ASIC2: variants seen among roughly 807,000 people sequenced by gnomAD.
ASIC2 encodes the protein acid sensing ion channel subunit 2.
A neutral mutation model predicts 57.3 loss-of-function variants in ASIC2; 25 were observed. The ratio of observed to expected loss-of-function variants is 0.44; its 90% confidence interval spans 0.32 to 0.61. The LOEUF (loss-of-function observed/expected upper bound fraction) is 0.61. ASIC2 is among the 20% of genes least tolerant of loss of function. The probability of loss-of-function intolerance (pLI) is 0.06; values close to 1 mark genes in which losing one functional copy is unlikely to be tolerated. For synonymous variants in ASIC2, 319 were observed against 307.5 expected (o/e 1.04, Z -0.39); for missense variants, 641 against 738.1 (o/e 0.87, Z 1.52).
At chr17:33,073,668 A>C (rs1037177087) in intron 3 of ASIC2, among the ~76,000 whole-genome samples, 3 of 152,240 alleles carry the variant, frequency 2.0e-5, no homozygotes, top group Non-Finnish European at 2.9e-5. Flanking sequence ...TGGAATGCTA[A>C]GACTCATTTA....
chr17:33,739,875 A>G (rs1182814488), intron 1 of ASIC2, among the ~76,000 whole-genome samples: 1 of 151,512 alleles, frequency 6.6e-6, no homozygotes, highest in African/African-American at 2.4e-5. Context: ...GAAGGAAGGA[A>G]AAAAGAAAAG....
In ASIC2 at chr17:34,021,281, C is replaced by A. The variant is rs909840878; in HGVS notation, c.555+134697G>T. Among the ~76,000 whole-genome samples the A allele has an allele frequency of 8.5e-5, 13 of 152,190 alleles. No individual in the cohort carries two copies. The East Asian group carries it at 2.3e-3, about 27-fold the overall frequency. On this transcript the variant is annotated intron_variant, in intron 1 of 9. Coordinates refer to the ASIC2 transcript ENST00000359872. ...AAAAAAAAAAATAGACTACTGCCATCACTCCCTACCACCATCACTCAGGGC... is the reference window on the plus strand; with the variant it reads ...AAAAAAAAAAATAGACTACTGCCATAACTCCCTACCACCATCACTCAGGGC...
At chr17:33,363,835 C>T (rs1189686309) in intron 1 of ASIC2, among the ~76,000 whole-genome samples, 2 of 152,198 alleles carry the variant, frequency 1.3e-5, no homozygotes, top group Non-Finnish European at 2.9e-5. Context: ...CTTCCGGGCA[C>T]ATTGGGGGAA....
intron 1 of ASIC2, chr17:33,932,741 A>AAAAAATATATATATAT (rs1555572867): frequency 3.6e-4 from 21 of 58,694 alleles, no homozygotes; most frequent in Non-Finnish European, 5.9e-4. Flanking sequence ...AAAAAAAAAA[A>AAAAAATATATATATAT]ATATATATAT....
intron 1 of ASIC2, among the ~76,000 whole-genome samples, chr17:33,809,089 T>A (rs1362580129): frequency 1.3e-5 from 2 of 152,188 alleles, no homozygotes; most frequent in Non-Finnish European, 2.9e-5. Context: ...GCCAAGGTCT[T>A]GAACTTCTCT....
chr17:33,834,797 A>G (rs1913223288), intron 1 of ASIC2, among the ~76,000 whole-genome samples: 1 of 152,184 alleles, frequency 6.6e-6, no homozygotes, highest in Admixed American at 6.5e-5. Context: ...GTGGAACTAA[A>G]CTATGATCTT....
At chr17:33,257,125 C>T (rs1392459313) in intron 1 of ASIC2, among the ~76,000 whole-genome samples, 3 of 152,176 alleles carry the variant, frequency 2.0e-5, no homozygotes, top group Non-Finnish European at 2.9e-5. Flanking sequence ...AGTGATTTTA[C>T]ATAACAAATT....
chr17:34,156,534 G>A lies in ASIC2; in HGVS notation c.-2C>T, dbSNP rs1260651310. On this transcript the variant is annotated 5_prime_UTR_variant, in exon 1 of 10. Transcript: ENST00000359872. This position sits in a 1 kb window ranked among gnomAD's most constrained non-coding sequence, Gnocchi z 4.4. ...ACTGGGGCTTTCCTTGAGGTCCATC[G>A]GGACCCCGTGCAGTTCCGCAACTGG... The A allele has an allele frequency of 1.3e-6, 2 of 1,584,172 alleles. No homozygotes were observed. Among genetic ancestry groups the A allele is most frequent in the East Asian group, 2.3e-5 (1 of 44,414 alleles).
chr17:33,967,150 A>G (rs900861249), intron 1 of ASIC2, among the ~76,000 whole-genome samples: 8 of 151,842 alleles, frequency 5.3e-5, no homozygotes, highest in African/African-American at 1.9e-4. Flanking sequence ...CTTTTCCCAC[A>G]ATACTCATAT....
intron 1 of ASIC2, among the ~76,000 whole-genome samples, chr17:34,062,096 T>G (rs1908991447): frequency 6.6e-6 from 1 of 152,182 alleles, no homozygotes; most frequent in Admixed American, 6.5e-5. Context: ...GCATGGAACT[T>G]TCTCCAAGAT....
Position 33,715,242 on chromosome 17 carries a change from T to A in ASIC2, c.555+440736A>T, listed in dbSNP as rs142097724. 4.2e-4 allele frequency among the ~76,000 whole-genome samples: 64 copies of A among 152,258 alleles called. No individual in the cohort carries two copies. The East Asian group carries it at 0.012, about 28-fold the overall frequency. ...GTCTCCAACTTCTGGCCTCAAGCGA[T>A]CCTCGCACCTCAGCCTCACAAAATG... is the stretch of plus-strand genomic sequence containing the variant. On this transcript the variant is annotated intron_variant, in intron 1 of 9. Coordinates refer to the ASIC2 transcript ENST00000359872.
chr17:33,886,758 A>G (rs1914838410), intron 1 of ASIC2, among the ~76,000 whole-genome samples: 1 of 152,092 alleles, frequency 6.6e-6, no homozygotes, highest in Non-Finnish European at 1.5e-5. Context: ...AATGGAGTAA[A>G]TCCTTAGTAC....
At chr17:34,086,249 C>A (rs955981107) in intron 1 of ASIC2, among the ~76,000 whole-genome samples, 44 of 151,230 alleles carry the variant, frequency 2.9e-4, no homozygotes, top group African/African-American at 1.0e-3. Flanking sequence ...TCTTTGTTCT[C>A]GTTGGTTTCA....
intron 1 of ASIC2, among the ~76,000 whole-genome samples, chr17:33,747,146 T>C (rs12950866): frequency 0.021 from 3,174 of 152,086 alleles, 35 homozygotes; most frequent in Middle Eastern, 0.038. Flanking sequence ...GTCTTACAGG[T>C]ATAAAGTTCT....
At chr17:34,035,649 T>C (rs1444221630) in intron 1 of ASIC2, among the ~76,000 whole-genome samples, 2 of 152,128 alleles carry the variant, frequency 1.3e-5, no homozygotes, top group Non-Finnish European at 2.9e-5. Context: ...AAAGGGCTAA[T>C]ATCTAGAATC....
intron 1 of ASIC2, among the ~76,000 whole-genome samples, chr17:33,824,013 G>A (rs1295030787): frequency 2.6e-5 from 4 of 152,122 alleles, no homozygotes; most frequent in African/African-American, 9.7e-5. Context: ...AATTCAGGCA[G>A]TTTGTCAAAA....
intron 1 of ASIC2, among the ~76,000 whole-genome samples, chr17:33,312,434 A>G (rs1906467641): frequency 6.6e-6 from 1 of 152,200 alleles, no homozygotes; most frequent in Non-Finnish European, 1.5e-5. Context: ...CTCAAAGCAC[A>G]GTAGAGAAAG....
intron 1 of ASIC2, among the ~76,000 whole-genome samples, chr17:33,625,221 A>G (rs374549738): frequency 1.3e-5 from 2 of 150,448 alleles, no homozygotes; most frequent in Admixed American, 6.6e-5. Context: ...CTATCTATCT[A>G]TCTGTCTATC....
At chr17:34,106,279 T>G in intron 1 of ASIC2, among the ~76,000 whole-genome samples, 1 of 152,200 alleles carries the variant, frequency 6.6e-6, no homozygotes. Context: ...GCCAATTTTT[T>G]GAAAATATAG....
Sources: gnomAD v4.1 joint callset for allele counts (sites outside exome capture counted in the v4.1 genomes callset) on GRCh38, gnomAD v4.1.1 for gene constraint, Gnocchi (gnomAD v3.1) non-coding constraint, MANE v1.5 for transcripts, NCBI Gene and HGNC (gene_info 2026-07-23, HGNC 2026-07-21) for gene names.